TCP11: variants seen among roughly 807,000 people sequenced by gnomAD.
TCP11 encodes the protein t-complex 11, also known as T-complex protein 11 homolog.
A neutral mutation model predicts 45.0 loss-of-function variants in TCP11; 34 were observed. That is an observed-to-expected ratio of 0.76 (90% confidence interval 0.57 to 1.01). The LOEUF (loss-of-function observed/expected upper bound fraction) is 1.01, where lower values mean the gene tolerates loss of function less well. TCP11 is among the 50% of genes least tolerant of loss of function. The pLI is 0.00. For missense variants in TCP11, 523 were observed against 598.1 expected, an observed-to-expected ratio of 0.87 and a Z score of 1.31; for synonymous variants, 227 against 227.0, an observed-to-expected ratio of 1.00 and a Z score of 0.00.
intron 3 of TCP11, among the ~76,000 whole-genome samples, chr6:35,130,903 C>A (rs1445814532): frequency 6.6e-6 from 1 of 152,170 alleles, no homozygotes; most frequent in Non-Finnish European, 1.5e-5. Flanking sequence ...CACACGAAAA[C>A]CTGCACACAA....
In TCP11 at chr6:35,120,343, G is replaced by A. The variant is rs1478167366; in HGVS notation, c.934-3C>T. On this transcript the variant is annotated splice_region_variant and splice_polypyrimidine_tract_variant and intron_variant, in intron 7 of 9. Coordinates refer to ENST00000311875, the MANE Select transcript of TCP11 (RefSeq NM_001370687.1). The surrounding 1 kb of genome is among the most constrained non-coding windows in gnomAD (Gnocchi z 4.9). ...CGGGTTCTGTCCATCAGCAGGGTCT[G>A]GGAACCAGGGAAGAACAGGCTGTCA... is the stretch of plus-strand genomic sequence containing the variant. 2 of 1,611,672 alleles carry A rather than the reference G, an allele frequency of 1.2e-6. No homozygotes were observed. Among genetic ancestry groups the A allele is most frequent in the East Asian group, 2.2e-5 (1 of 44,842 alleles).
At chr6:35,126,825 A>G (rs916253212) in intron 4 of TCP11, among the ~76,000 whole-genome samples, 1 of 151,394 alleles carries the variant, frequency 6.6e-6, no homozygotes, top group African/African-American at 2.4e-5. Flanking sequence ...CACCCAGTTA[A>G]TTTTTCTATT....
At chr6:35,138,556 T>G (rs538013447) in intron 2 of TCP11, among the ~76,000 whole-genome samples, 2 of 128,350 alleles carry the variant, frequency 1.6e-5, no homozygotes, top group Non-Finnish European at 3.1e-5. Context: ...AGATAGAGAA[T>G]AGAATGACAG....
intron 9 of TCP11, 112 bp from the exon 10 acceptor site, chr6:35,118,613 G>T: frequency 2.2e-6 from 2 of 916,740 alleles, no homozygotes; most frequent in Middle Eastern, 2.2e-4. Context: ...GTACCAACCT[G>T]CCCCCCTACC....
rs115171214 is a variant in TCP11, at chr6:35,118,498, T to C, written c.1283A>G (p.Gln428Arg). ...KENCVCSVIDQRIHLFLKCCL... is the reference protein window; with the variant it reads ...KENCVCSVIDRRIHLFLKCCL... Reference sequence around the variant, plus strand: ...GCATTTGAGAAACAAATGGATCCGCTGATCTGTGAGCAGGAAAAGACACTG... The same window carrying C: ...GCATTTGAGAAACAAATGGATCCGCCGATCTGTGAGCAGGAAAAGACACTG... Residue 428 changes from glutamine (Q) to arginine (R), a missense_variant, in exon 10 of 10, where the codon CAG becomes CGG. Transcript: ENST00000311875. 9,700 of 1,613,256 alleles carry C rather than the reference T, an allele frequency of 6.0e-3. 62 individuals carry two copies. Among genetic ancestry groups the C allele is most frequent in the South Asian group, 0.018 (1,660 of 90,924 alleles).
intron 1 of TCP11, 32 bp downstream of exon 1, chr6:35,141,173 C>T: frequency 7.3e-7 from 1 of 1,360,596 alleles, no homozygotes; most frequent in Non-Finnish European, 9.4e-7. Flanking sequence ...GAAACGCCGG[C>T]CCAGGCCCGC....
intron 2 of TCP11, chr6:35,140,478 A>G: frequency 1.7e-6 from 1 of 597,276 alleles, no homozygotes; most frequent in East Asian, 3.7e-5. Context: ...TATTCAAAAT[A>G]CAATACAAAG....
At chr6:35,140,577 T>G in intron 2 of TCP11, 170 bp downstream of exon 2, 1 of 686,202 alleles carries the variant, frequency 1.5e-6, no homozygotes, top group Non-Finnish European at 2.7e-6. Context: ...AAAAACTCTT[T>G]GAAGACCTCT....
chr6:35,141,229 TC>T lies in TCP11; in HGVS notation c.-40del. ...CCTCCTCCTCCCCCGCCGCGGGTCATCCACTGGCGTCCGCTCGGTGGGCCTC... is the reference window on the plus strand; with the variant it reads ...CCTCCTCCTCCCCCGCCGCGGGTCATCACTGGCGTCCGCTCGGTGGGCCTC... On this transcript the variant is annotated 5_prime_UTR_variant, in exon 1 of 10. Coordinates refer to ENST00000311875, the MANE Select transcript of TCP11 (RefSeq NM_001370687.1). 1 of 1,399,136 alleles carries T rather than the reference TC, an allele frequency of 7.1e-7. No homozygotes were observed. Among genetic ancestry groups the T allele is most frequent in the Non-Finnish European group, 9.3e-7 (1 of 1,078,354 alleles). 86.7% of individuals were successfully genotyped at this position (1,399,136 alleles called of 1,614,324 possible).
chr6:35,140,821 TCTGA>T lies in TCP11; in HGVS notation c.46_49del (p.Ser16ArgfsTer32), dbSNP rs757086451. The T allele has an allele frequency of 6.4e-7, 1 of 1,552,488 alleles. No homozygotes were observed. The highest frequency in any genetic ancestry group is 1.3e-5 in the South Asian group (1 of 79,164). ...GGTTTCGGGCTTACAGGACCTGCCC[TCTGA>T]GTCGCCAGGATATTTCGGGGGCACA... On this transcript the variant is annotated frameshift_variant, in exon 2 of 10. Transcript: ENST00000311875. LOFTEE classifies it high-confidence loss of function.
In TCP11 at chr6:35,141,150, G is replaced by A. The variant is rs1004495077; in HGVS notation, c.-15+55C>T. 25 of 1,316,680 alleles carry A rather than the reference G, an allele frequency of 1.9e-5. No homozygotes were observed. In the African/African-American group the frequency reaches 3.9e-4, roughly 20 times the overall value. The allele number at this position is 1,316,680 out of a possible 1,614,324, so 81.6% of individuals were successfully genotyped here. On this transcript the variant is annotated intron_variant, in intron 1 of 9. Transcript: ENST00000311875. ...AAGGCCCCTTCCTTCGCGGCGAGGT[G>A]CCCCCCTCGCCCGAAACGCCGGCCC...
intron 3 of TCP11, among the ~76,000 whole-genome samples, chr6:35,135,591 C>A (rs980707215): frequency 2.0e-5 from 3 of 149,210 alleles, no homozygotes; most frequent in African/African-American, 2.5e-5. Context: ...TTCAAGACAA[C>A]CCTGGGCAAC....
intron 4 of TCP11, among the ~76,000 whole-genome samples, chr6:35,126,912 C>T (rs1346513400): frequency 6.6e-6 from 1 of 152,056 alleles, no homozygotes; most frequent in Non-Finnish European, 1.5e-5. Flanking sequence ...CCCACCTGAG[C>T]CTCCCAGAGT....
At chr6:35,128,740 A>G in intron 4 of TCP11, 1 of 211,348 alleles carries the variant, frequency 4.7e-6, no homozygotes. Context: ...GTAACGTCTC[A>G]TGGCATAGCT....
At chr6:35,123,634 C>A (rs1007863714) in intron 4 of TCP11, among the ~76,000 whole-genome samples, 8 of 149,562 alleles carry the variant, frequency 5.3e-5, no homozygotes, top group African/African-American at 2.0e-4. Context: ...GTCACCATGT[C>A]CAGCTTAGTT....
intron 2 of TCP11, among the ~76,000 whole-genome samples, chr6:35,139,476 G>T (rs189493242): frequency 6.6e-6 from 1 of 152,286 alleles, no homozygotes; most frequent in Non-Finnish European, 1.5e-5. Flanking sequence ...GACGCTTGAG[G>T]TTCCCTTTAT....
intron 4 of TCP11, 173 bp downstream of exon 4, chr6:35,128,884 CTGTTA>C: frequency 1.3e-5 from 10 of 762,432 alleles, no homozygotes; most frequent in Non-Finnish European, 2.0e-5. Context: ...CTCCTACTCT[CTGTTA>C]TAATAATTTT....
Position 35,140,861 on chromosome 6 carries a change from C to T in TCP11, c.10G>A (p.Val4Ile), listed in dbSNP as rs899863200. The change falls in exon 2 of 10, where the codon GTC becomes ATC. Residue 4 changes from valine to isoleucine, a missense_variant. Physicochemically the swap from Val to Ile is conservative, Grantham distance 29. Coordinates refer to ENST00000311875, the MANE Select transcript of TCP11 (RefSeq NM_001370687.1). ...TATTTCGGGGGCACACTCTCCTTGACGTCTGGCATTTTGCTGATGGTATCT... is the reference window on the plus strand; with the variant it reads ...TATTTCGGGGGCACACTCTCCTTGATGTCTGGCATTTTGCTGATGGTATCT... MPD[V>I]KESVPPKYPG... 1.9e-6 allele frequency: 3 copies of T among 1,576,774 alleles called. No individual in the cohort carries two copies. The highest frequency in any genetic ancestry group is 2.6e-6 in the Non-Finnish European group (3 of 1,164,510).
chr6:35,140,896 A>T lies in TCP11; in HGVS notation c.-14-12T>A. On this transcript the variant is annotated splice_polypyrimidine_tract_variant and intron_variant, in intron 1 of 9. Coordinates refer to ENST00000311875, the MANE Select transcript of TCP11 (RefSeq NM_001370687.1). The stretch of plus-strand genomic sequence containing the variant: ...TTTGCTGATGGTATCTGGGTGAGGG[A>T]GAAAGGCGTGTTGTTGGCGTCGGGG... The T allele has an allele frequency of 6.5e-7, 1 of 1,530,304 alleles. No homozygotes were observed. The highest frequency in any genetic ancestry group is 8.8e-7 in the Non-Finnish European group (1 of 1,142,082). The allele number at this position is 1,530,304 out of a possible 1,614,324, so 94.8% of individuals were successfully genotyped here. A position where few individuals can be genotyped will look rare whatever the true frequency, so the allele number is the denominator to read the frequency against.
Sources: allele counts gnomAD v4.1 joint callset (sites outside exome capture counted in the v4.1 genomes callset), GRCh38; gene constraint gnomAD v4.1.1; non-coding constraint Gnocchi (gnomAD v3.1); transcripts MANE v1.5; gene names NCBI Gene and HGNC (gene_info 2026-07-23, HGNC 2026-07-21).